The following SPEN variants were observed in gnomAD, a reference collection of about 807,000 sequenced individuals.
The protein encoded by SPEN is msx2-interacting protein.
In SPEN, 18 loss-of-function variants were observed where a neutral mutation model predicts 269.9. The ratio of observed to expected loss-of-function variants is 0.07; its 90% confidence interval spans 0.05 to 0.10. The LOEUF (loss-of-function observed/expected upper bound fraction) is 0.10, where lower values mean the gene tolerates loss of function less well. Among genes scored for constraint, SPEN ranks in the 10% least tolerant of loss-of-function variants. The pLI, the probability that SPEN is intolerant of heterozygous loss-of-function variation, is 1.00. For missense variants in SPEN, 3,822 were observed against 4,631.2 expected, an observed-to-expected ratio of 0.83 and a Z score of 5.07; for synonymous variants, 1,726 against 1,765.7, an observed-to-expected ratio of 0.98 and a Z score of 0.56.
intron 1 of SPEN, among the ~76,000 whole-genome samples, chr1:15,871,935 C>G (rs1236014897): frequency 6.6e-6 from 1 of 151,880 alleles, no homozygotes; most frequent in African/African-American, 2.4e-5. Flanking sequence ...GTAAAAACTT[C>G]TGAGAAGTGT....
At chr1:15,919,146 G>T in intron 7 of SPEN, 95 bp downstream of exon 7, 1 of 1,075,606 alleles carries the variant, frequency 9.3e-7, no homozygotes. Context: ...TATTATTTAA[G>T]ATCCTACTAA....
chr1:15,898,113 T>G (rs2070860243), intron 3 of SPEN, among the ~76,000 whole-genome samples: 2 of 152,130 alleles, frequency 1.3e-5, no homozygotes, highest in Admixed American at 6.6e-5. Context: ...ATCGCTTATC[T>G]TTTTCTAAGG....
rs769872009 is a variant in SPEN at position 15,876,557 on chromosome 1, T to C, written c.760T>C (p.Ser254Pro). Residue 254 changes from serine to proline, a missense_variant, in exon 3 of 15, where the codon TCT (serine) becomes CCT (proline). Coordinates refer to ENST00000375759, the MANE Select transcript of SPEN (RefSeq NM_015001.3). Reference protein sequence around the residue: ...SPHSSQSRNQSPQRLASQASR... With the variant: ...SPHSSQSRNQPPQRLASQASR... ...ACATTCATCCCAGTCTAGAAATCAG[T>C]CTCCTCAGAGACTGGCTAGCCAAGC... 1.2e-6 allele frequency: 2 copies of C among 1,613,904 alleles called. No homozygotes were observed. The highest frequency in any genetic ancestry group is 3.3e-5 in the Admixed American group (2 of 59,976).
chr1:15,883,959 G>A (rs1228074128), intron 3 of SPEN, among the ~76,000 whole-genome samples: 3 of 151,648 alleles, frequency 2.0e-5, no homozygotes, highest in African/African-American at 4.8e-5. Flanking sequence ...ACAGGCGCCC[G>A]CCACCCCGCC....
chr1:15,922,633 T>C (rs2071130501), intron 10 of SPEN, among the ~76,000 whole-genome samples: 1 of 152,084 alleles, frequency 6.6e-6, no homozygotes, highest in Non-Finnish European at 1.5e-5. Context: ...TTATGTACTT[T>C]TTTTTTTGAG....
Position 15,886,633 on chromosome 1 carries a change from T to G in SPEN, c.881+9955T>G, listed in dbSNP as rs749506366. 4.1e-4 allele frequency among the ~76,000 whole-genome samples: 62 copies of G among 152,316 alleles called. 1 individual carries two copies. The highest frequency in any genetic ancestry group is 4.6e-4 in the Admixed American group (7 of 15,292). ...GTACAAACTCTATTTTTAATACATC[T>G]TTCTGTTATTAACCCTTGCTTTAAT... On this transcript the variant is annotated intron_variant, in intron 3 of 14. Coordinates refer to ENST00000375759, the MANE Select transcript of SPEN (RefSeq NM_015001.3).
At chr1:15,873,735 A>T (rs1382556564) in intron 2 of SPEN, 31 of 1,001,396 alleles carry the variant, frequency 3.1e-5, no homozygotes, top group Middle Eastern at 5.1e-4. Context: ...GGATCTACAC[A>T]ATTTCTGTAT....
intron 3 of SPEN, among the ~76,000 whole-genome samples, chr1:15,893,399 G>A (rs1359574700): frequency 6.6e-6 from 1 of 152,164 alleles, no homozygotes; most frequent in East Asian, 1.9e-4. Flanking sequence ...ATCTTGGACT[G>A]TAGCTTTGTA....
chr1:15,875,213 TAA>T (rs1356302208), intron 2 of SPEN, among the ~76,000 whole-genome samples: 1 of 152,180 alleles, frequency 6.6e-6, no homozygotes, highest in African/African-American at 2.4e-5. Context: ...TGCATGTGTG[TAA>T]TCGTACATGC....
chr1:15,884,383 A>C (rs1374473002), intron 3 of SPEN, among the ~76,000 whole-genome samples: 1 of 152,194 alleles, frequency 6.6e-6, no homozygotes, highest in Non-Finnish European at 1.5e-5. Context: ...GTTAGGAGAA[A>C]TTATTTTCTT....
At position 15,937,176 on chromosome 1, in the gene SPEN, A is replaced by C. The variant is rs1398356678; in HGVS notation, c.10040A>C (p.Glu3347Ala). Residue 3347 changes from glutamate to alanine, a missense_variant, in exon 12 of 15, where the codon GAA (glutamate) becomes GCA (alanine). Glu to Ala is a moderately radical substitution (Grantham distance 107). Transcript: ENST00000375759. The surrounding 1 kb of genome is among the most constrained non-coding windows in gnomAD (Gnocchi z 5.7). ...TKTAAQGPPP[E>A]GEPLQPPQPV... ...TCCCTACACCAGGGCCCTCCTCCTGAAGGTGAGCCCCTGCAGCCTCCTCAG... is the reference window on the plus strand; with the variant it reads ...TCCCTACACCAGGGCCCTCCTCCTGCAGGTGAGCCCCTGCAGCCTCCTCAG... 2 of 1,611,662 alleles carry C rather than the reference A, an allele frequency of 1.2e-6. No individual in the cohort carries two copies. The highest frequency in any genetic ancestry group is 3.3e-5 in the Admixed American group (2 of 59,934).
intron 1 of SPEN, among the ~76,000 whole-genome samples, chr1:15,862,681 A>G (rs183262220): frequency 3.9e-4 from 59 of 152,300 alleles, no homozygotes; most frequent in Admixed American, 2.5e-3. Context: ...ATTGGAGTAA[A>G]ATATAATGTG....
chr1:15,906,798 A>T (rs547783568), intron 3 of SPEN, among the ~76,000 whole-genome samples: 1 of 116,586 alleles, frequency 8.6e-6, no homozygotes, highest in South Asian at 2.5e-4. Flanking sequence ...TTTTTTTGAG[A>T]CAGAGTCTCT....
At chr1:15,854,282 T>G (rs938303109) in intron 1 of SPEN, among the ~76,000 whole-genome samples, 8 of 152,128 alleles carry the variant, frequency 5.3e-5, no homozygotes, top group African/African-American at 1.9e-4. Context: ...TTGAAACACA[T>G]ATATTAGCCT....
In SPEN at chr1:15,934,715, A is replaced by T. The variant is rs892170588; in HGVS notation, c.8475A>T (p.Glu2825Asp). The T allele has an allele frequency of 1.2e-6, 2 of 1,614,138 alleles. No individual in the cohort carries two copies. Among genetic ancestry groups the T allele is most frequent in the African/African-American group, 2.7e-5 (2 of 75,032 alleles). ...VLLSYSGQKT[E>D]GPQRISAKIS... is the part of the protein sequence containing the mutation. ...TGAGTTACTCAGGGCAGAAGACCGA[A>T]GGCCCACAGCGGATCAGCGCCAAGA... is the stretch of plus-strand genomic sequence containing the variant. The change falls in exon 11 of 15, where the codon GAA becomes GAT. Residue 2825 changes from glutamate to aspartate, a missense_variant. Around this residue, in one of 16 missense-constraint regions of SPEN, gnomAD observed 329 missense variants for 431.2 expected, o/e 0.76. Coordinates refer to ENST00000375759, the MANE Select transcript of SPEN (RefSeq NM_015001.3). This position sits in a 1 kb window ranked among gnomAD's most constrained non-coding sequence, Gnocchi z 9.2.
chr1:15,931,573 A>G lies in SPEN; in HGVS notation c.5333A>G (p.Asp1778Gly). The stretch of plus-strand genomic sequence containing the variant: ...AATGAGCCAAAGGCCGAAAAGCCAG[A>G]CGCCACTGCAGATGCTGAGCCTGAT... ...EANEPKAEKP[D>G]ATADAEPDAN... The change falls in exon 11 of 15, where the codon GAC (aspartate) becomes GGC (glycine). Residue 1778 changes from aspartate (D) to glycine (G), a missense_variant. Around this residue, in one of 16 missense-constraint regions of SPEN, gnomAD observed 533 missense variants for 618.8 expected, o/e 0.86. Transcript: ENST00000375759. This position sits in a 1 kb window ranked among gnomAD's most constrained non-coding sequence, Gnocchi z 4.8. 1 of 1,614,220 alleles carries G rather than the reference A, an allele frequency of 6.2e-7. No homozygotes were observed. The highest frequency in any genetic ancestry group is 8.5e-7 in the Non-Finnish European group (1 of 1,180,030).
At chr1:15,919,077 T>C in intron 7 of SPEN, 26 bp downstream of exon 7, 1 of 1,598,780 alleles carries the variant, frequency 6.3e-7, no homozygotes, top group Non-Finnish European at 8.5e-7. Context: ...TAAATTATTG[T>C]GCTGTTATGA....
At position 15,933,556 on chromosome 1, in the gene SPEN, C is replaced by T. The variant is rs758212437; in HGVS notation, c.7316C>T (p.Pro2439Leu). 27 of 1,613,886 alleles carry T rather than the reference C, an allele frequency of 1.7e-5. No homozygotes were observed. The highest frequency in any genetic ancestry group is 3.3e-5 in the Admixed American group (2 of 59,996). Residue 2439 changes from proline (P) to leucine (L), a missense_variant, in exon 11 of 15, where the codon CCG becomes CTG. Coordinates refer to ENST00000375759, the MANE Select transcript of SPEN (RefSeq NM_015001.3). This position sits in a 1 kb window ranked among gnomAD's most constrained non-coding sequence, Gnocchi z 5.7. ...CTTCCCCCACCTCCCCAGCCAGCAC[C>T]GGTGGATGAGGAGCCTCAAGCCAGG... Reference protein sequence around the residue: ...PDLPPPPQPAPVDEEPQARFR... With the variant: ...PDLPPPPQPALVDEEPQARFR...
At position 15,911,306 on chromosome 1, in the gene SPEN, G is replaced by T. The variant is rs765723490; in HGVS notation, c.1243+5G>T. On this transcript the variant is annotated splice_donor_5th_base_variant and intron_variant, in intron 5 of 14. Coordinates refer to ENST00000375759, the MANE Select transcript of SPEN (RefSeq NM_015001.3). Reference sequence around the variant, plus strand: ...TAACAGCATGGATAGGTCCAGGTAAGACACAAGCAAGCTGAGTTTGAGTTA... The same window carrying T: ...TAACAGCATGGATAGGTCCAGGTAATACACAAGCAAGCTGAGTTTGAGTTA... The T allele has an allele frequency of 1.2e-5, 19 of 1,613,460 alleles. No homozygotes were observed. In the South Asian group the frequency reaches 2.1e-4, roughly 18 times the overall value.
Sources: allele counts gnomAD v4.1 joint callset (sites outside exome capture counted in the v4.1 genomes callset), GRCh38; gene constraint gnomAD v4.1.1; regional missense constraint gnomAD v4.1.1; non-coding constraint Gnocchi (gnomAD v3.1); transcripts MANE v1.5; gene names NCBI Gene and HGNC (gene_info 2026-07-23, HGNC 2026-07-21).